The following ZC3H11A variants were observed in gnomAD, a reference collection of about 807,000 sequenced individuals.
The protein encoded by ZC3H11A is zinc finger CCCH-type containing 11A.
ZC3H11A carries 22 observed loss-of-function variants against 90.8 expected under a neutral mutation model. The observed-to-expected ratio is 0.24, with a 90% CI of 0.17 to 0.35. The LOEUF (loss-of-function observed/expected upper bound fraction) is 0.35. ZC3H11A is among the 10% of genes least tolerant of loss of function. ZC3H11A has a pLI of 1.00. For synonymous variants in ZC3H11A, 294 were observed against 339.8 expected, an observed-to-expected ratio of 0.87 and a Z score of 1.48; for missense variants, 701 against 964.9, an observed-to-expected ratio of 0.73 and a Z score of 3.62.
intron 1 of ZC3H11A, chr1:203,796,575 G>A (rs2102326988): frequency 2.5e-6 from 1 of 398,060 alleles, no homozygotes; most frequent in Non-Finnish European, 4.4e-6. Flanking sequence ...AGAGGCTGTG[G>A]AACTAGAGAT....
chr1:203,850,755 C>T, intron 16 of ZC3H11A, 74 bp downstream of exon 16: 1 of 1,543,466 alleles, frequency 6.5e-7, no homozygotes, highest in Non-Finnish European at 8.8e-7. Flanking sequence ...TCTCCACTAG[C>T]ATTCTATCTT....
At chr1:203,829,211 C>G in intron 5 of ZC3H11A, 1 of 556,066 alleles carries the variant, frequency 1.8e-6, no homozygotes. Flanking sequence ...TTCTTCTAGT[C>G]TTCTGTTGAT....
intron 2 of ZC3H11A, among the ~76,000 whole-genome samples, chr1:203,810,169 G>A (rs148992647): frequency 3.0e-4 from 45 of 150,684 alleles, no homozygotes; most frequent in African/African-American, 1.1e-3. Context: ...TAAGAGATGA[G>A]GTCTGTCTGT....
At chr1:203,818,793 A>G in intron 4 of ZC3H11A, 104 bp downstream of exon 4, 1 of 1,537,432 alleles carries the variant, frequency 6.5e-7, no homozygotes, top group Non-Finnish European at 8.8e-7. Context: ...ATTAAGGCTG[A>G]GTGCAGTGGC....
chr1:203,838,536 G>A (rs1386406310), intron 11 of ZC3H11A, among the ~76,000 whole-genome samples: 1 of 152,230 alleles, frequency 6.6e-6, no homozygotes, highest in Non-Finnish European at 1.5e-5. Context: ...GTATGCTCAA[G>A]GAACTGCATA....
intron 4 of ZC3H11A, among the ~76,000 whole-genome samples, chr1:203,821,502 T>G (rs1389023531): frequency 6.6e-6 from 1 of 152,188 alleles, no homozygotes; most frequent in Non-Finnish European, 1.5e-5. Flanking sequence ...TTTTGATGTT[T>G]CCATCATTCT....
At chr1:203,831,795 G>A in intron 9 of ZC3H11A, 24 bp downstream of exon 9, 1 of 1,575,634 alleles carries the variant, frequency 6.3e-7, no homozygotes, top group Non-Finnish European at 8.7e-7. Context: ...AGGTCTTAGA[G>A]TTGTCAAGCC....
At chr1:203,798,716 A>G (rs1175490896) in intron 1 of ZC3H11A, 4 of 1,535,944 alleles carry the variant, frequency 2.6e-6, no homozygotes, top group African/African-American at 1.4e-5. Flanking sequence ...AGGAGAGAGA[A>G]ACAACATGTT....
chr1:203,848,269 A>G lies in ZC3H11A; in HGVS notation c.1547-62A>G, dbSNP rs543565700. The G allele has an allele frequency of 1.2e-5, 16 of 1,376,734 alleles. No individual in the cohort carries two copies. The Admixed American group carries it at 2.8e-4, about 24-fold the overall frequency. The allele number at this position is 1,376,734 out of a possible 1,614,324, so 85.3% of individuals were successfully genotyped here. A position where few individuals can be genotyped will look rare whatever the true frequency, so the allele number is the denominator to read the frequency against. On this transcript the variant is annotated intron_variant, in intron 13 of 17. Transcript: ENST00000367210. ...TTCATTAAATAAAGTTTTGTTTAAC[A>G]TATCTATCATGAAGTTGCAGCTTAA...
chr1:203,804,078 T>C (rs1474748938), intron 2 of ZC3H11A, among the ~76,000 whole-genome samples: 1 of 152,098 alleles, frequency 6.6e-6, no homozygotes, highest in Admixed American at 6.5e-5. Context: ...GCCTTAGTAG[T>C]TTCATAGTGT....
chr1:203,837,950 T>G lies in ZC3H11A; in HGVS notation c.875-16T>G. 6.2e-7 allele frequency: 1 copy of G among 1,602,424 alleles called. No homozygotes were observed. ...GATTGACTTGAAATCTTAAACTAAG[T>G]TCTCCCTCTTTATAGGCGGTGACAG... On this transcript the variant is annotated splice_polypyrimidine_tract_variant and intron_variant, in intron 10 of 17. Transcript: ENST00000367210.
chr1:203,805,548 C>T (rs1309907848), intron 2 of ZC3H11A: 20 of 572,656 alleles, frequency 3.5e-5, no homozygotes, highest in East Asian at 9.2e-5. Context: ...GTATCTGTTA[C>T]GGTAAATTTG....
At chr1:203,833,539 AAAT>A (rs528391252) in intron 9 of ZC3H11A, among the ~76,000 whole-genome samples, 12 of 151,474 alleles carry the variant, frequency 7.9e-5, no homozygotes, top group African/African-American at 2.4e-4. Context: ...ATTATTATCA[AAAT>A]AATAATAATA....
At chr1:203,803,693 A>T (rs993955820) in intron 2 of ZC3H11A, among the ~76,000 whole-genome samples, 9 of 151,816 alleles carry the variant, frequency 5.9e-5, no homozygotes, top group African/African-American at 1.9e-4. Context: ...GCAACGTCAA[A>T]CCCCTGGGCT....
rs918356648 is a variant in ZC3H11A, at chr1:203,797,903, T to C, written c.-1588+2109T>C. 2.0e-6 allele frequency: 3 copies of C among 1,536,000 alleles called. No individual in the cohort carries two copies. The African/African-American group carries it at 4.1e-5, about 21-fold the overall frequency. The stretch of plus-strand genomic sequence containing the variant: ...TAGAAAAACAGATCTATCTACCTAG[T>C]ACTAGAGCCAAGACCTCCATTGTGT... On this transcript the variant is annotated intron_variant, in intron 1 of 17. Coordinates refer to ENST00000367210, the MANE Select transcript of ZC3H11A (RefSeq NM_001376342.1).
At chr1:203,851,968 CAAAAAAAA>C (rs57160781) in intron 17 of ZC3H11A, among the ~76,000 whole-genome samples, 165 bp from the exon 18 acceptor site, 27 of 45,838 alleles carry the variant, frequency 5.9e-4, no homozygotes, top group African/African-American at 2.4e-3. Flanking sequence ...GACTCTGCCT[CAAAAAAAA>C]AAAAAAAAAA....
intron 1 of ZC3H11A, chr1:203,798,590 A>G (rs1414482091): frequency 3.3e-6 from 5 of 1,536,170 alleles, no homozygotes; most frequent in South Asian, 2.4e-5. Context: ...CAGGCAGCCA[A>G]GATTTAACAG....
chr1:203,832,582 A>G (rs1572197788), intron 9 of ZC3H11A, among the ~76,000 whole-genome samples: 1 of 152,066 alleles, frequency 6.6e-6, no homozygotes, highest in South Asian at 2.1e-4. Context: ...ACTGGTCTTG[A>G]ACTGCTGGCC....
At chr1:203,799,997 A>C (rs1230958164) in intron 1 of ZC3H11A, 3 of 1,535,984 alleles carry the variant, frequency 2.0e-6, no homozygotes, top group Non-Finnish European at 2.6e-6. Flanking sequence ...TTACAGTGGG[A>C]GCTGATTCAT....
Sources: allele counts gnomAD v4.1 joint callset (sites outside exome capture counted in the v4.1 genomes callset), GRCh38; gene constraint gnomAD v4.1.1; transcripts MANE v1.5; gene names NCBI Gene and HGNC (gene_info 2026-07-23, HGNC 2026-07-21).